NALF1: variants seen among roughly 807,000 people sequenced by gnomAD.
The protein encoded by NALF1 is family with sequence similarity 155 member A.
In NALF1, 3 loss-of-function variants were observed where a neutral mutation model predicts 48.4. That is an observed-to-expected ratio of 0.06 (90% CI 0.03 to 0.16). NALF1 has a LOEUF of 0.16. NALF1 is among the 10% of genes least tolerant of loss of function. The pLI is 1.00. For missense variants in NALF1, 526 were observed against 571.5 expected (o/e 0.92, Z 0.81); for synonymous variants, 262 against 245.7 (o/e 1.07, Z -0.62).
chr13:107,684,260 C>G (rs983612203), intron 1 of NALF1, among the ~76,000 whole-genome samples: 1 of 152,222 alleles, frequency 6.6e-6, no homozygotes, highest in Non-Finnish European at 1.5e-5. Context: ...CTTTCTTATC[C>G]TTGACCTTGC....
At chr13:107,242,732 C>T (rs1252530903) in intron 1 of NALF1, among the ~76,000 whole-genome samples, 5 of 152,100 alleles carry the variant, frequency 3.3e-5, no homozygotes, top group South Asian at 2.1e-4. Context: ...TTATAGTCTC[C>T]GTCTCTCTTT....
chr13:107,542,603 A>T (rs1288513063), intron 1 of NALF1, among the ~76,000 whole-genome samples: 1 of 152,164 alleles, frequency 6.6e-6, no homozygotes, highest in Non-Finnish European at 1.5e-5. Flanking sequence ...ATCTCCACTC[A>T]ATCAAATGTA....
Position 107,672,371 on chromosome 13 carries a change from C to T in NALF1, c.915+193311G>A, listed in dbSNP as rs184577092. On this transcript the variant is annotated intron_variant, in intron 1 of 2. Coordinates refer to ENST00000375915, the MANE Select transcript of NALF1 (RefSeq NM_001080396.3). ...CAACATGTATTGTCTTAGAATGCTG[C>T]GGTTCAGGTCTTATCCACAGAGTCT... Among the ~76,000 whole-genome samples, 5 of 152,280 alleles carry T rather than the reference C, an allele frequency of 3.3e-5. No homozygotes were observed. In the East Asian group the frequency reaches 9.7e-4, roughly 29 times the overall value.
At chr13:107,792,188 A>G (rs891923198) in intron 1 of NALF1, among the ~76,000 whole-genome samples, 1 of 152,214 alleles carries the variant, frequency 6.6e-6, no homozygotes. Flanking sequence ...TCTCTTATCA[A>G]GTACACTACT....
At chr13:107,848,477 G>T (rs1880228308) in intron 1 of NALF1, among the ~76,000 whole-genome samples, 1 of 152,146 alleles carries the variant, frequency 6.6e-6, no homozygotes, top group African/African-American at 2.4e-5. Context: ...CCCAAATAAT[G>T]CAGCCTTAAA....
intron 2 of NALF1, among the ~76,000 whole-genome samples, chr13:107,204,825 C>T (rs937942748): frequency 6.6e-6 from 1 of 151,922 alleles, no homozygotes; most frequent in African/African-American, 2.4e-5. Context: ...GCTATAACTA[C>T]ACTGGTCTTT....
intron 1 of NALF1, among the ~76,000 whole-genome samples, chr13:107,633,420 T>A (rs1321544110): frequency 1.3e-5 from 2 of 152,036 alleles, no homozygotes; most frequent in African/African-American, 2.4e-5. Flanking sequence ...TCTGAGGTCA[T>A]TTCAAGCTCA....
chr13:107,782,739 G>A (rs1877934762), intron 1 of NALF1, among the ~76,000 whole-genome samples: 1 of 150,186 alleles, frequency 6.7e-6, no homozygotes, highest in South Asian at 2.1e-4. Flanking sequence ...CCTCTGCCCG[G>A]TCGCGACCCC....
At chr13:107,301,807 T>A (rs1881842173) in intron 1 of NALF1, among the ~76,000 whole-genome samples, 1 of 152,108 alleles carries the variant, frequency 6.6e-6, no homozygotes, top group Admixed American at 6.5e-5. Context: ...ACAAAAACAA[T>A]AAGAAAAACC....
chr13:107,324,214 T>G (rs1882307144), intron 1 of NALF1, among the ~76,000 whole-genome samples: 1 of 152,234 alleles, frequency 6.6e-6, no homozygotes, highest in Non-Finnish European at 1.5e-5. Flanking sequence ...TTTTCAGTCC[T>G]TCCTATTATT....
Position 107,485,819 on chromosome 13 carries a change from G to A in NALF1, c.916-275064C>T, listed in dbSNP as rs189575272. 2.8e-3 allele frequency among the ~76,000 whole-genome samples: 425 copies of A among 152,218 alleles called. 2 individuals carry two copies. The highest frequency in any genetic ancestry group is 4.6e-3 in the Non-Finnish European group (313 of 68,012). On this transcript the variant is annotated intron_variant, in intron 1 of 2. Transcript: ENST00000375915. ...ATGTACACTCAGGGTCTTTGTTTAG[G>A]TGGCTTTTCTCAGTTCCCTCAACTC...
At chr13:107,838,832 G>C (rs1399878534) in intron 1 of NALF1, among the ~76,000 whole-genome samples, 1 of 152,128 alleles carries the variant, frequency 6.6e-6, no homozygotes, top group African/African-American at 2.4e-5. Flanking sequence ...CAGAGTTCGG[G>C]GATGTTTTGA....
intron 1 of NALF1, among the ~76,000 whole-genome samples, chr13:107,336,385 TAATAATAAA>T (rs1183933074): frequency 6.3e-5 from 8 of 127,152 alleles, no homozygotes; most frequent in African/African-American, 2.4e-4. Flanking sequence ...ATAATAATAA[TAATAATAAA>T]AAATCTAATA....
chr13:107,739,250 A>C (rs1344614751), intron 1 of NALF1, among the ~76,000 whole-genome samples: 3 of 151,870 alleles, frequency 2.0e-5, no homozygotes, highest in African/African-American at 7.3e-5. Context: ...AGGTGCAGCA[A>C]ACCACCATGG....
At chr13:107,786,814 AG>A (rs1437465281) in intron 1 of NALF1, among the ~76,000 whole-genome samples, 1 of 152,208 alleles carries the variant, frequency 6.6e-6, no homozygotes, top group African/African-American at 2.4e-5. Flanking sequence ...TCTCCTTCCA[AG>A]GCAATCACTT....
intron 1 of NALF1, among the ~76,000 whole-genome samples, chr13:107,532,367 T>C (rs1876666225): frequency 6.6e-6 from 1 of 152,130 alleles, no homozygotes; most frequent in Non-Finnish European, 1.5e-5. Context: ...GCTCTCATTA[T>C]GGACTGTTTT....
At chr13:107,792,627 C>T (rs1292373603) in intron 1 of NALF1, among the ~76,000 whole-genome samples, 2 of 152,006 alleles carry the variant, frequency 1.3e-5, no homozygotes, top group Admixed American at 6.6e-5. Context: ...TTTCTAGACA[C>T]GAGTTTGACT....
At chr13:107,489,166 T>C (rs1428775714) in intron 1 of NALF1, among the ~76,000 whole-genome samples, 1 of 152,184 alleles carries the variant, frequency 6.6e-6, no homozygotes, top group African/African-American at 2.4e-5. Flanking sequence ...TCCATGCTCA[T>C]GGATAGAAGA....
At chr13:107,688,680 G>T (rs532759636) in intron 1 of NALF1, among the ~76,000 whole-genome samples, 4 of 152,180 alleles carry the variant, frequency 2.6e-5, no homozygotes, top group African/African-American at 4.8e-5. Flanking sequence ...CCCACAGGGG[G>T]TGTCAAAGAC....
Sources: allele counts gnomAD v4.1 joint callset (sites outside exome capture counted in the v4.1 genomes callset), GRCh38; gene constraint gnomAD v4.1.1; transcripts MANE v1.5; gene names NCBI Gene and HGNC (gene_info 2026-07-23, HGNC 2026-07-21).